ERG: variants seen among roughly 807,000 people sequenced by gnomAD.
ERG encodes the protein ETS transcription factor ERG.
In ERG, 9 loss-of-function variants were observed where a neutral mutation model predicts 55.3. The observed-to-expected ratio is 0.16, with a 90% confidence interval of 0.10 to 0.28. ERG has a LOEUF of 0.28. ERG is among the 10% of genes least tolerant of loss of function. The probability of loss-of-function intolerance (pLI) is 1.00; values close to 1 mark genes in which losing one functional copy is unlikely to be tolerated. For synonymous variants in ERG, 223 were observed against 237.3 expected (o/e 0.94, Z 0.55); for missense variants, 434 against 631.6 (o/e 0.69, Z 3.35).
intron 2 of ERG, among the ~76,000 whole-genome samples, chr21:38,436,943 A>G (rs189884954): frequency 5.5e-5 from 8 of 145,732 alleles, no homozygotes; most frequent in Non-Finnish European, 1.2e-4. Flanking sequence ...ACTGGAGTGC[A>G]GTGCCGTGAT....
intron 2 of ERG, among the ~76,000 whole-genome samples, chr21:38,549,253 G>T (rs895502600): frequency 4.6e-5 from 7 of 152,136 alleles, no homozygotes; most frequent in Admixed American, 4.6e-4. Context: ...TGCATCCAGG[G>T]TGATAAATCA....
At chr21:38,558,616 C>A (rs1601239569) in intron 2 of ERG, among the ~76,000 whole-genome samples, 1 of 152,180 alleles carries the variant, frequency 6.6e-6, no homozygotes, top group African/African-American at 2.4e-5. Context: ...CTTAATGTTG[C>A]CACAACATTC....
In ERG at chr21:38,595,138, T is replaced by C. The variant is rs182153079; in HGVS notation, c.-149-10193A>G. Among the ~76,000 whole-genome samples, 240 of 152,232 alleles carry C rather than the reference T, an allele frequency of 1.6e-3. 1 individual carries two copies. Among genetic ancestry groups the C allele is most frequent in the African/African-American group, 4.5e-3 (185 of 41,538 alleles). On this transcript the variant is annotated intron_variant, in intron 1 of 10. Coordinates refer to the ERG transcript ENST00000398910. Reference sequence around the variant, plus strand: ...AAGACGTGGGGAGAGTCTAGACTTTTAGGCTAGGAAGTCCGAACCTTGTTG... The same window carrying C: ...AAGACGTGGGGAGAGTCTAGACTTTCAGGCTAGGAAGTCCGAACCTTGTTG...
rs192912171 is a variant in ERG at position 38,594,316 on chromosome 21, C to T, written c.-149-9371G>A. 1.1e-4 allele frequency among the ~76,000 whole-genome samples: 17 copies of T among 152,258 alleles called. 1 individual carries two copies. The highest frequency in any genetic ancestry group is 5.8e-4 in the East Asian group (3 of 5,184). On this transcript the variant is annotated intron_variant, in intron 1 of 10. Transcript: ENST00000398910. ...TATTTAAAATAGAAATCATGAACCC[C>T]GCCACAAACATGCTTCCCCGACACT... is the stretch of plus-strand genomic sequence containing the variant.
chr21:38,560,705 C>A lies in ERG; in HGVS notation c.-41+14957G>T, dbSNP rs897024708. On this transcript the variant is annotated intron_variant, in intron 2 of 8. Transcript: ENST00000398897. ...CAAAAAGTGACTTTCCAAGCCCCTA[C>A]ATGAAGACTCATTTTCTGGAAAATA... is the stretch of plus-strand genomic sequence containing the variant. Among the ~76,000 whole-genome samples the A allele has an allele frequency of 1.6e-4, 24 of 152,308 alleles. 1 individual carries two copies. In the East Asian group the frequency reaches 3.3e-3, roughly 21 times the overall value.
chr21:38,404,923 T>C (rs1339571576), intron 3 of ERG, among the ~76,000 whole-genome samples: 1 of 152,126 alleles, frequency 6.6e-6, no homozygotes, highest in African/African-American at 2.4e-5. Context: ...TTTGCAGAGG[T>C]AAACCGTAAT....
At chr21:38,398,728 G>A (rs2146445005) in intron 6 of ERG, among the ~76,000 whole-genome samples, 1 of 152,236 alleles carries the variant, frequency 6.6e-6, no homozygotes, top group East Asian at 1.9e-4. Flanking sequence ...AAACAAAGCA[G>A]CTCCAGGACC....
chr21:38,518,867 G>T (rs2059572997), intron 2 of ERG, among the ~76,000 whole-genome samples: 1 of 152,100 alleles, frequency 6.6e-6, no homozygotes, highest in African/African-American at 2.4e-5. Flanking sequence ...TGCATGGAGT[G>T]GAAGATGATA....
intron 1 of ERG, among the ~76,000 whole-genome samples, chr21:38,638,371 C>A (rs991134443): frequency 2.6e-5 from 4 of 152,204 alleles, no homozygotes; most frequent in Non-Finnish European, 5.9e-5. Context: ...ATCTGGCCCT[C>A]CTCACTTACA....
chr21:38,465,538 A>T (rs1164936730), intron 1 of ERG, among the ~76,000 whole-genome samples: 2 of 152,202 alleles, frequency 1.3e-5, no homozygotes, highest in African/African-American at 4.8e-5. Context: ...ATGAACGCTA[A>T]TGTAAACTAC....
At chr21:38,532,650 A>G (rs1435553433) in intron 2 of ERG, among the ~76,000 whole-genome samples, 3 of 152,192 alleles carry the variant, frequency 2.0e-5, no homozygotes, top group Non-Finnish European at 4.4e-5. Flanking sequence ...CAAGGTAAAA[A>G]GAGATCATCC....
At chr21:38,459,572 A>G (rs1360042870) in intron 1 of ERG, among the ~76,000 whole-genome samples, 1 of 152,144 alleles carries the variant, frequency 6.6e-6, no homozygotes, top group Non-Finnish European at 1.5e-5. Flanking sequence ...AGCCATTTTA[A>G]TCACCCCCTA....
chr21:38,522,580 T>C (rs920412318), intron 2 of ERG, among the ~76,000 whole-genome samples: 1 of 152,192 alleles, frequency 6.6e-6, no homozygotes, highest in South Asian at 2.1e-4. Flanking sequence ...TAAAACACTT[T>C]AACTATTTTT....
chr21:38,409,997 G>A (rs559869114), intron 3 of ERG, among the ~76,000 whole-genome samples: 2 of 152,312 alleles, frequency 1.3e-5, no homozygotes, highest in African/African-American at 2.4e-5. Context: ...GGACGTAAAC[G>A]TCAACCTCTC....
chr21:38,367,742 C>T, the ERG span: 16 of 458,506 alleles, frequency 3.5e-5, no homozygotes, highest in Non-Finnish European at 6.4e-5. Flanking sequence ...TCTGCACAGA[C>T]TTTCATCAAC....
intron 2 of ERG, among the ~76,000 whole-genome samples, chr21:38,508,532 C>T (rs1160632476): frequency 6.6e-6 from 1 of 152,116 alleles, no homozygotes; most frequent in African/African-American, 2.4e-5. Flanking sequence ...AATAAGAGCT[C>T]CCATTTGTAT....
In ERG at chr21:38,563,392, T is replaced by C. The variant is rs1601245099; in HGVS notation, c.-41+12270A>G. Among the ~76,000 whole-genome samples, 3 of 152,252 alleles carry C rather than the reference T, an allele frequency of 2.0e-5. No individual in the cohort carries two copies. In the East Asian group the frequency reaches 5.8e-4, roughly 29 times the overall value. ...GATAGTGGTGGAAGCTATGTATGTA[T>C]AGGGGCAGGAATTATATGAGAACAC... On this transcript the variant is annotated intron_variant, in intron 2 of 8. Coordinates refer to the ERG transcript ENST00000398897.
chr21:38,409,978 C>T (rs540255645), intron 3 of ERG, among the ~76,000 whole-genome samples: 1 of 152,228 alleles, frequency 6.6e-6, no homozygotes, highest in African/African-American at 2.4e-5. Flanking sequence ...TCTTATTCAA[C>T]CATTTACTGG....
intron 2 of ERG, among the ~76,000 whole-genome samples, chr21:38,558,134 T>C (rs751329140): frequency 1.3e-5 from 2 of 152,122 alleles, no homozygotes; most frequent in Non-Finnish European, 2.9e-5. Context: ...CAGAATCTGC[T>C]GAGGGTGGCC....
Sources: gnomAD v4.1 joint callset for allele counts (sites outside exome capture counted in the v4.1 genomes callset) on GRCh38, gnomAD v4.1.1 for gene constraint, MANE v1.5 for transcripts, NCBI Gene and HGNC (gene_info 2026-07-23, HGNC 2026-07-21) for gene names.